Variants in FAAH2 observed in about 807,000 individuals in gnomAD.
FAAH2 encodes fatty-acid amide hydrolase 2.
FAAH2 carries 60 observed loss-of-function variants against 36.9 expected under a neutral mutation model. The observed-to-expected ratio is 1.63, with a 90% CI of 1.32 to 2.02. FAAH2 has a LOEUF of 2.02. Ranked by LOEUF, FAAH2 falls within the 30% of genes most tolerant of loss-of-function variation. The pLI is 0.00. For missense variants in FAAH2, 689 were observed against 397.5 expected, an observed-to-expected ratio of 1.73 and a Z score of -6.23; for synonymous variants, 214 against 143.8, an observed-to-expected ratio of 1.49 and a Z score of -3.49.
the FAAH2 span, among the ~76,000 whole-genome samples, chrX:57,254,464 A>G: frequency 1.8e-5 from 2 of 112,198 alleles, no homozygotes; most frequent in South Asian, 7.4e-4. Flanking sequence ...AAATCAGCAG[A>G]ATATACATTC....
chrX:57,477,891 T>C, intron 10 of FAAH2, among the ~76,000 whole-genome samples: 1 of 112,138 alleles, frequency 8.9e-6, no homozygotes, highest in East Asian at 2.8e-4. Context: ...TCTATCATTG[T>C]TGGACATTTG....
intron 10 of FAAH2, among the ~76,000 whole-genome samples, chrX:57,458,179 A>G (rs2056895327): frequency 8.9e-6 from 1 of 112,041 alleles, no homozygotes; most frequent in Non-Finnish European, 1.9e-5. Flanking sequence ...AAAATGAGCA[A>G]AAGTAAGCAA....
chrX:57,188,896 G>A, the FAAH2 span, among the ~76,000 whole-genome samples: 6 of 110,869 alleles, frequency 5.4e-5, no homozygotes, highest in Non-Finnish European at 1.1e-4. Context: ...TATCTTAGTG[G>A]TGTTCTCTGT....
At chrX:57,338,578 C>T (rs969036301) in intron 4 of FAAH2, among the ~76,000 whole-genome samples, 1 of 111,510 alleles carries the variant, frequency 9.0e-6, no homozygotes, top group African/African-American at 3.3e-5. Flanking sequence ...AGGATACAAA[C>T]TCAATGTGCA....
At chrX:57,469,941 A>G (rs2057128948) in intron 10 of FAAH2, among the ~76,000 whole-genome samples, 1 of 111,946 alleles carries the variant, frequency 8.9e-6, no homozygotes, top group Non-Finnish European at 1.9e-5. Flanking sequence ...CAGGATTAAT[A>G]AACTCACTCA....
chrX:57,267,640 C>A, the FAAH2 span, among the ~76,000 whole-genome samples: 11 of 111,905 alleles, frequency 9.8e-5, no homozygotes, highest in East Asian at 2.8e-3. Flanking sequence ...ACCTCAGTTC[C>A]CCCAGTGCAG....
chrX:57,450,728 G>A lies in FAAH2; in HGVS notation c.1423+2010G>A, dbSNP rs149128756. Among the ~76,000 whole-genome samples, 602 of 111,029 alleles carry A rather than the reference G, an allele frequency of 5.4e-3. 2 individuals are homozygous for A. The highest frequency in any genetic ancestry group is 8.8e-3 in the Non-Finnish European group (465 of 52,993). On this transcript the variant is annotated intron_variant, in intron 10 of 10. Coordinates refer to ENST00000374900, the MANE Select transcript of FAAH2 (RefSeq NM_174912.4). ...ACTAAATCAGATATTTAATTTTTGA[G>A]CCTTGGCTTTCTTACAGCTAAGATG...
the FAAH2 span, among the ~76,000 whole-genome samples, chrX:57,149,958 T>C: frequency 8.9e-6 from 1 of 111,892 alleles, no homozygotes; most frequent in African/African-American, 3.3e-5. Flanking sequence ...TGGTGTGTTG[T>C]GTCTTTGTTC....
the FAAH2 span, among the ~76,000 whole-genome samples, chrX:57,162,825 A>T: frequency 8.9e-6 from 1 of 112,374 alleles, no homozygotes; most frequent in Non-Finnish European, 1.9e-5. Context: ...CGTAGCTCAG[A>T]GTAATTTGAT....
intron 7 of FAAH2, chrX:57,392,879 G>T: frequency 1.2e-6 from 1 of 802,369 alleles, no homozygotes. Flanking sequence ...GATTCCCAAA[G>T]CCCTGCTTTG....
chrX:57,304,545 A>T (rs908738070), intron 2 of FAAH2, among the ~76,000 whole-genome samples: 4 of 112,003 alleles, frequency 3.6e-5, no homozygotes, highest in Non-Finnish European at 5.6e-5. Context: ...ACCACTGGTA[A>T]ACCAATTTTT....
chrX:57,151,763 A>G, the FAAH2 span, among the ~76,000 whole-genome samples: 1 of 111,342 alleles, frequency 9.0e-6, no homozygotes, highest in East Asian at 2.8e-4. Context: ...CAGCTTGTCA[A>G]AGTCATTCTC....
chrX:57,216,255 C>T, the FAAH2 span, among the ~76,000 whole-genome samples: 4 of 105,732 alleles, frequency 3.8e-5, no homozygotes, highest in African/African-American at 1.4e-4. Context: ...TATATGTTGT[C>T]TTTTCTCTCT....
chrX:57,186,953 T>C, the FAAH2 span, among the ~76,000 whole-genome samples: 1 of 112,010 alleles, frequency 8.9e-6, no homozygotes, highest in Non-Finnish European at 1.9e-5. Context: ...TCATGCTGTT[T>C]TGATTACTGT....
chrX:57,151,050 G>T, the FAAH2 span, among the ~76,000 whole-genome samples: 2 of 111,525 alleles, frequency 1.8e-5, no homozygotes, highest in African/African-American at 3.3e-5. Flanking sequence ...GAAATTCTGG[G>T]TTGAAAATTA....
chrX:57,232,505 A>G, the FAAH2 span, among the ~76,000 whole-genome samples: 2 of 112,181 alleles, frequency 1.8e-5, no homozygotes, highest in Admixed American at 1.9e-4. Context: ...GGCTTTAATA[A>G]TTCCAAATTT....
chrX:57,244,286 T>G, the FAAH2 span, among the ~76,000 whole-genome samples: 1 of 110,430 alleles, frequency 9.1e-6, no homozygotes, highest in East Asian at 2.9e-4. Flanking sequence ...TACCTGAAAG[T>G]GATGGGGAGA....
At chrX:57,252,777 C>T in the FAAH2 span, among the ~76,000 whole-genome samples, 1 of 112,352 alleles carries the variant, frequency 8.9e-6, no homozygotes, top group Non-Finnish European at 1.9e-5. Context: ...CATCAAATAA[C>T]AAAGGTAGAT....
chrX:57,392,710 G>T, intron 7 of FAAH2: 1 of 616,002 alleles, frequency 1.6e-6, no homozygotes, highest in Non-Finnish European at 2.8e-6. Flanking sequence ...GGGCTGGGTG[G>T]GGAGTCCATT....
Sources: gnomAD v4.1 joint callset for allele counts (sites outside exome capture counted in the v4.1 genomes callset) on GRCh38, gnomAD v4.1.1 for gene constraint, MANE v1.5 for transcripts, NCBI Gene and HGNC (gene_info 2026-07-23, HGNC 2026-07-21) for gene names.